Variants in ARMH4 observed in about 807,000 individuals in gnomAD.
ARMH4 encodes armadillo like helical domain containing 4, also known as armadillo-like helical domain-containing protein 4.
A neutral mutation model predicts 61.9 loss-of-function variants in ARMH4; 49 were observed. The ratio of observed to expected loss-of-function variants is 0.79; its 90% confidence interval spans 0.63 to 1.00. ARMH4 has a LOEUF of 1.00. ARMH4 is among the 50% of genes least tolerant of loss of function. ARMH4 has a pLI of 0.00. For synonymous variants in ARMH4, 368 were observed against 341.5 expected (o/e 1.08, Z -0.85); for missense variants, 934 against 930.0 (o/e 1.00, Z -0.06).
chr14:58,063,670 G>GAACA (rs1327743946), intron 5 of ARMH4, among the ~76,000 whole-genome samples: 1 of 151,266 alleles, frequency 6.6e-6, no homozygotes, highest in Non-Finnish European at 1.5e-5. Context: ...GGACATGGCT[G>GAACA]AACAACTTTT....
chr14:58,059,521 A>G (rs1884461935), intron 5 of ARMH4, among the ~76,000 whole-genome samples: 1 of 152,242 alleles, frequency 6.6e-6, no homozygotes, highest in Non-Finnish European at 1.5e-5. Flanking sequence ...TATAGATTCA[A>G]AATGTCCCTT....
rs190149774 is a variant in ARMH4 at position 58,020,364 on chromosome 14, C to T, written c.2090-8214G>A. 1.1e-3 allele frequency among the ~76,000 whole-genome samples: 172 copies of T among 152,256 alleles called. 2 individuals are homozygous for T. Among genetic ancestry groups the T allele is most frequent in the Admixed American group, 9.7e-3 (148 of 15,292 alleles). The stretch of plus-strand genomic sequence containing the variant: ...CTCACCTGGTATTCTGACTCCTTTA[C>T]CTTCTCCTCTCTGTTCCCTCGGACA... On this transcript the variant is annotated intron_variant, in intron 5 of 7. Coordinates refer to ENST00000267485, the MANE Select transcript of ARMH4 (RefSeq NM_001001872.4).
chr14:58,014,044 G>T (rs1882511864), intron 5 of ARMH4, among the ~76,000 whole-genome samples: 1 of 151,508 alleles, frequency 6.6e-6, no homozygotes, highest in African/African-American at 2.4e-5. Flanking sequence ...AAGAAAGAAA[G>T]AAAGTCATTG....
intron 5 of ARMH4, among the ~76,000 whole-genome samples, chr14:58,067,370 G>A (rs1884738255): frequency 6.6e-6 from 1 of 152,190 alleles, no homozygotes; most frequent in African/African-American, 2.4e-5. Context: ...TGGGAAGAAA[G>A]TGGCCTTCTT....
At position 58,004,741 on chromosome 14, in the gene ARMH4, A is replaced by T; in HGVS notation, c.2320T>A (p.Phe774Ile). ...CAATTAAAACCCAGTCCAATTCAAA[A>T]TTCATCTTCAGAGCTGTCGGCTAAG... ...MLLADSSEDE[F>I] The change falls in exon 8 of 8, where the codon TTT becomes ATT. Residue 774 changes from phenylalanine (F) to isoleucine (I), a missense_variant. By Grantham distance (21) the Phe-to-Ile change is conservative. Coordinates refer to ENST00000267485, the MANE Select transcript of ARMH4 (RefSeq NM_001001872.4). The T allele has an allele frequency of 6.2e-7, 1 of 1,606,922 alleles. No individual in the cohort carries two copies. The highest frequency in any genetic ancestry group is 8.5e-7 in the Non-Finnish European group (1 of 1,174,032).
intron 5 of ARMH4, among the ~76,000 whole-genome samples, chr14:58,084,221 C>CA (rs72531483): frequency 9.1e-6 from 1 of 109,406 alleles, no homozygotes; most frequent in Non-Finnish European, 2.0e-5. Flanking sequence ...AAACTTCTAG[C>CA]ACAGAATTTT....
chr14:58,075,980 A>C (rs1885032364), intron 5 of ARMH4, among the ~76,000 whole-genome samples: 1 of 152,038 alleles, frequency 6.6e-6, no homozygotes, highest in South Asian at 2.1e-4. Flanking sequence ...TATTAAAAAC[A>C]CAAGAAGAAA....
At chr14:58,052,176 C>G (rs1430908803) in intron 5 of ARMH4, among the ~76,000 whole-genome samples, 2 of 152,132 alleles carry the variant, frequency 1.3e-5, no homozygotes, top group Non-Finnish European at 2.9e-5. Flanking sequence ...CAGCTACAAA[C>G]GCTGAGCTCC....
intron 5 of ARMH4, among the ~76,000 whole-genome samples, chr14:58,022,984 C>CT (rs1325567864): frequency 2.0e-5 from 3 of 152,182 alleles, no homozygotes; most frequent in Non-Finnish European, 4.4e-5. Context: ...CACATCCATA[C>CT]TTTAACTAAA....
At chr14:58,066,775 T>C (rs545115409) in intron 5 of ARMH4, among the ~76,000 whole-genome samples, 4 of 152,276 alleles carry the variant, frequency 2.6e-5, no homozygotes, top group South Asian at 2.1e-4. Context: ...TGAAAGGTCA[T>C]GGATTATAAG....
chr14:58,064,538 T>C (rs1231531966), intron 5 of ARMH4, among the ~76,000 whole-genome samples: 1 of 152,202 alleles, frequency 6.6e-6, no homozygotes, highest in Admixed American at 6.5e-5. Context: ...TCCAATAATG[T>C]TGATACTTTG....
intron 1 of ARMH4, chr14:58,141,328 G>A (rs536615060): frequency 1.5e-5 from 7 of 476,622 alleles, no homozygotes; most frequent in African/African-American, 2.0e-5. Context: ...CACCCTTGAG[G>A]TCAAGCCCAC....
rs1882083467 is a variant in ARMH4 at position 58,004,439 on chromosome 14, C to T, written c.*297G>A. The T allele has an allele frequency of 4.5e-6, 1 of 222,812 alleles. No individual in the cohort carries two copies. The highest frequency in any genetic ancestry group is 2.3e-5 in the African/African-American group (1 of 43,868). 13.8% of individuals were successfully genotyped at this position (222,812 alleles called of 1,614,324 possible). A position where few individuals can be genotyped will look rare whatever the true frequency, so the allele number is the denominator to read the frequency against. ...ACTGTGGAAAACTACAAAATATTTA[C>T]TCTGCCTAATGTAGCAACTCCTACT... On this transcript the variant is annotated 3_prime_UTR_variant, in exon 8 of 8. Coordinates refer to ENST00000267485, the MANE Select transcript of ARMH4 (RefSeq NM_001001872.4).
At chr14:58,106,278 A>G (rs1886163386) in intron 4 of ARMH4, among the ~76,000 whole-genome samples, 1 of 152,152 alleles carries the variant, frequency 6.6e-6, no homozygotes, top group Admixed American at 6.6e-5. Context: ...TAGCATGTCC[A>G]CTGTCAAGAA....
chr14:58,016,094 A>C (rs1390381821), intron 5 of ARMH4, among the ~76,000 whole-genome samples: 1 of 152,088 alleles, frequency 6.6e-6, no homozygotes, highest in Non-Finnish European at 1.5e-5. Flanking sequence ...AATGTTTTAT[A>C]TGAAGCTCCA....
chr14:58,142,422 G>A (rs572796030), intron 1 of ARMH4, among the ~76,000 whole-genome samples: 8 of 152,034 alleles, frequency 5.3e-5, no homozygotes, highest in African/African-American at 7.2e-5. Flanking sequence ...AAAAGAAGCC[G>A]GAATTTTCCT....
intron 5 of ARMH4, among the ~76,000 whole-genome samples, chr14:58,043,797 C>A (rs4329841): frequency 0.13 from 20,325 of 152,160 alleles, 1,996 homozygotes; most frequent in East Asian, 0.49. Context: ...CACAAGCATT[C>A]TTATACACCA....
intron 5 of ARMH4, among the ~76,000 whole-genome samples, chr14:58,030,394 C>A (rs1594703839): frequency 1.3e-5 from 2 of 152,282 alleles, no homozygotes; most frequent in African/African-American, 4.8e-5. Flanking sequence ...GAGTCAACCA[C>A]TAGGCAAAAA....
In ARMH4 at chr14:58,096,818, T is replaced by C. The variant is rs780310947; in HGVS notation, c.1995A>G (p.Glu665=). The part of the protein sequence containing the change: ...GFTLPGITSQ[E]PGLEEGNMDL... ...CCATGTTTCCCTCCTCTAAGCCTGG[T>C]TCCTGGGATGTGATACCAGGGAGGG... The change falls in exon 5 of 8, where the codon GAA becomes GAG. Residue 665 remains glutamate, a synonymous_variant. Transcript: ENST00000267485. 4.5e-5 allele frequency: 73 copies of C among 1,614,024 alleles called. No individual in the cohort carries two copies. The highest frequency in any genetic ancestry group is 5.8e-5 in the Non-Finnish European group (68 of 1,180,024).
Sources: allele counts gnomAD v4.1 joint callset (sites outside exome capture counted in the v4.1 genomes callset), GRCh38; gene constraint gnomAD v4.1.1; transcripts MANE v1.5; gene names NCBI Gene and HGNC (gene_info 2026-07-23, HGNC 2026-07-21).